ANGPT1: variants seen among roughly 807,000 people sequenced by gnomAD.
ANGPT1 encodes the protein angiopoietin-1.
A neutral mutation model predicts 62.2 loss-of-function variants in ANGPT1; 17 were observed. The observed-to-expected ratio is 0.27, with a 90% CI of 0.19 to 0.41. The LOEUF is 0.41. Among genes scored for constraint, ANGPT1 ranks in the 10% least tolerant of loss-of-function variants. The pLI, the probability that ANGPT1 is intolerant of heterozygous loss-of-function variation, is 1.00. For missense variants in ANGPT1, 478 were observed against 594.9 expected (o/e 0.80, Z 2.04); for synonymous variants, 199 against 198.9 (o/e 1.00, Z 0.00).
intron 1 of ANGPT1, among the ~76,000 whole-genome samples, chr8:107,358,635 G>C (rs1816099981): frequency 6.6e-6 from 1 of 152,200 alleles, no homozygotes. Flanking sequence ...GTAAAAGTCA[G>C]TTTTAAAGAC....
intron 1 of ANGPT1, among the ~76,000 whole-genome samples, chr8:107,370,376 G>GAAAAAAAGAAAGAAAGAAAGAA (rs1200807725): frequency 2.2e-5 from 1 of 45,136 alleles, no homozygotes; most frequent in African/African-American, 4.8e-5. Context: ...AAGAAAGAAA[G>GAAAAAAAGAAAGAAAGAAAGAA]AAAGAAAGAA....
rs530103584 is a variant in ANGPT1 at position 107,301,565 on chromosome 8, T to C, written c.936+1675A>G. The stretch of plus-strand genomic sequence containing the variant: ...CAGACTTGCCATTGTATTTCAATTT[T>C]TCATTTGTTTGCTTCTTTAAGCCAT... On this transcript the variant is annotated intron_variant, in intron 5 of 8. Transcript: ENST00000517746. Among the ~76,000 whole-genome samples, 9 of 152,072 alleles carry C rather than the reference T, an allele frequency of 5.9e-5. No homozygotes were observed. The East Asian group carries it at 1.5e-3, about 26-fold the overall frequency.
chr8:107,324,150 A>C (rs2130072647), intron 3 of ANGPT1, among the ~76,000 whole-genome samples: 1 of 148,824 alleles, frequency 6.7e-6, no homozygotes, highest in African/African-American at 2.5e-5. Context: ...CCCCAGCCAA[A>C]AAAAAAAAAT....
chr8:107,469,977 C>T (rs72674333), intron 1 of ANGPT1, among the ~76,000 whole-genome samples: 17,952 of 151,964 alleles, frequency 0.12, 1,228 homozygotes, highest in Non-Finnish European at 0.16. Context: ...TGCCTTTAAC[C>T]ACTCTATGTA....
Position 107,251,699 on chromosome 8 carries a change from A to T in ANGPT1, c.*156T>A. On this transcript the variant is annotated 3_prime_UTR_variant, in exon 9 of 9. Transcript: ENST00000517746. The stretch of plus-strand genomic sequence containing the variant: ...CTCTTGTGAACTCAAACGGCTCCAG[A>T]TTCACGGTCAAGAACCTTGGTGACT... 1 of 935,866 alleles carries T rather than the reference A, an allele frequency of 1.1e-6. No individual in the cohort carries two copies. Among genetic ancestry groups the T allele is most frequent in the Non-Finnish European group, 1.6e-6 (1 of 643,168 alleles). The allele number at this position is 935,866 out of a possible 1,614,324, so 58.0% of individuals were successfully genotyped here.
chr8:107,309,368 TA>T (rs991705034), intron 4 of ANGPT1, among the ~76,000 whole-genome samples: 3 of 152,104 alleles, frequency 2.0e-5, no homozygotes, highest in African/African-American at 7.2e-5. Flanking sequence ...ACTGAGCATA[TA>T]AAGGAAGAAA....
At chr8:107,476,462 G>C (rs1489956305) in intron 1 of ANGPT1, among the ~76,000 whole-genome samples, 1 of 152,186 alleles carries the variant, frequency 6.6e-6, no homozygotes, top group African/African-American at 2.4e-5. Context: ...GGGAGGGATA[G>C]CATTAGGAGA....
intron 3 of ANGPT1, among the ~76,000 whole-genome samples, chr8:107,332,159 G>GA (rs933755936): frequency 6.6e-6 from 1 of 152,146 alleles, no homozygotes; most frequent in African/African-American, 2.4e-5. Flanking sequence ...CATACTGGAG[G>GA]AAACTAGTGA....
chr8:107,287,610 G>A (rs146546414), intron 6 of ANGPT1, among the ~76,000 whole-genome samples: 23 of 152,246 alleles, frequency 1.5e-4, no homozygotes, highest in Admixed American at 5.2e-4. Context: ...TGAAAAATAC[G>A]TGAAAGAAGG....
At chr8:107,448,119 G>A (rs191545899) in intron 1 of ANGPT1, among the ~76,000 whole-genome samples, 73 of 152,286 alleles carry the variant, frequency 4.8e-4, no homozygotes, top group African/African-American at 1.7e-3. Context: ...CTGAATGAAT[G>A]AACTGTGGTA....
rs796177926 is a variant in ANGPT1, at chr8:107,370,396, GA to G, written c.298-23300del. On this transcript the variant is annotated intron_variant, in intron 1 of 8. Coordinates refer to ENST00000517746, the MANE Select transcript of ANGPT1 (RefSeq NM_001146.5). ...AGAAAGAAAGAAAGAAAGAAAGAAA[GA>G]AAGAAAGAAAGAGTCAGGGTCAGTG... is the stretch of plus-strand genomic sequence containing the variant. Among the ~76,000 whole-genome samples, 6 of 62,208 alleles carry G rather than the reference GA, an allele frequency of 9.6e-5. 1 individual carries two copies. Among genetic ancestry groups the G allele is most frequent in the African/African-American group, 2.4e-4 (6 of 24,716 alleles). The allele number at this position is 62,208 out of a possible 152,430, so 40.8% of individuals were successfully genotyped here.
chr8:107,274,706 A>G (rs1813818615), intron 7 of ANGPT1, among the ~76,000 whole-genome samples: 1 of 152,088 alleles, frequency 6.6e-6, no homozygotes, highest in South Asian at 2.1e-4. Context: ...TTGCTCTTTG[A>G]ATTTCTGGTA....
chr8:107,493,620 T>A (rs1402938367), intron 1 of ANGPT1, among the ~76,000 whole-genome samples: 2 of 150,560 alleles, frequency 1.3e-5, no homozygotes, highest in Non-Finnish European at 3.0e-5. Context: ...AATAAAATGC[T>A]GACAGTAGAC....
intron 1 of ANGPT1, among the ~76,000 whole-genome samples, chr8:107,483,473 T>C (rs960176317): frequency 2.0e-5 from 3 of 152,096 alleles, no homozygotes; most frequent in Non-Finnish European, 4.4e-5. Flanking sequence ...ATACTGACAG[T>C]TTCACCTTCA....
chr8:107,392,392 GA>G (rs1472757165), intron 1 of ANGPT1, among the ~76,000 whole-genome samples: 1 of 151,988 alleles, frequency 6.6e-6, no homozygotes, highest in Admixed American at 6.6e-5. Context: ...TCTGGTAGAA[GA>G]AAAAAATTAT....
chr8:107,491,631 C>A (rs942082131), intron 1 of ANGPT1, among the ~76,000 whole-genome samples: 5 of 152,064 alleles, frequency 3.3e-5, no homozygotes, highest in Non-Finnish European at 7.4e-5. Flanking sequence ...AGGAATGAGC[C>A]TGTCTGTTGG....
intron 1 of ANGPT1, among the ~76,000 whole-genome samples, chr8:107,467,409 T>C (rs1812232734): frequency 6.6e-6 from 1 of 151,908 alleles, no homozygotes. Context: ...AAACGTACAA[T>C]TTAATATAGA....
At chr8:107,407,078 A>C (rs750166052) in intron 1 of ANGPT1, among the ~76,000 whole-genome samples, 1 of 152,162 alleles carries the variant, frequency 6.6e-6, no homozygotes, top group African/African-American at 2.4e-5. Flanking sequence ...TGAAACAGAA[A>C]AGACATGGCC....
In ANGPT1 at chr8:107,408,752, CT is replaced by C. The variant is rs147967376; in HGVS notation, c.298-61656del. Among the ~76,000 whole-genome samples the C allele has an allele frequency of 1.0e-2, 1,522 of 152,270 alleles. 16 individuals carry two copies. Among genetic ancestry groups the C allele is most frequent in the Middle Eastern group, 0.02 (6 of 294 alleles). ...TTCATGTTTTATAGATCAGTCTCTG[CT>C]TATGTGCTTCAAGAACACACAATGA... On this transcript the variant is annotated intron_variant, in intron 1 of 8. Coordinates refer to ENST00000517746, the MANE Select transcript of ANGPT1 (RefSeq NM_001146.5).
Sources: gnomAD v4.1 joint callset for allele counts (sites outside exome capture counted in the v4.1 genomes callset) on GRCh38, gnomAD v4.1.1 for gene constraint, MANE v1.5 for transcripts, NCBI Gene and HGNC (gene_info 2026-07-23, HGNC 2026-07-21) for gene names.